Variants in CTNNA3 observed in about 807,000 individuals in gnomAD.
CTNNA3 encodes the protein catenin alpha-3.
Under a neutral mutation model 95.7 loss-of-function variants are expected in CTNNA3, and 76 were observed. The observed-to-expected ratio is 0.79, with a 90% confidence interval of 0.66 to 0.96. The LOEUF (loss-of-function observed/expected upper bound fraction) is 0.96. Ranked by LOEUF, CTNNA3 falls within the 40% of genes least tolerant of loss-of-function variation. The pLI is 0.00. For synonymous variants in CTNNA3, 431 were observed against 374.4 expected, an observed-to-expected ratio of 1.15 and a Z score of -1.74; for missense variants, 1,191 against 1,089.8, an observed-to-expected ratio of 1.09 and a Z score of -1.31.
chr10:67,027,487 T>C (rs781129026), intron 7 of CTNNA3, among the ~76,000 whole-genome samples: 1 of 147,340 alleles, frequency 6.8e-6, no homozygotes, highest in South Asian at 2.2e-4. Flanking sequence ...CAGGCTGGAG[T>C]GCAGTGGTGT....
At position 67,703,557 on chromosome 10, in the gene CTNNA3, T is replaced by C. The variant is rs552135112; in HGVS notation, c.-1-56043A>G. On this transcript the variant is annotated intron_variant, in intron 1 of 17. Coordinates refer to the CTNNA3 transcript ENST00000684154. ...TTATCTCAATAGATGCAGAAAAGGCTTTTGACAAAATTCAACAGCCCTTCA... is the reference window on the plus strand; with the variant it reads ...TTATCTCAATAGATGCAGAAAAGGCCTTTGACAAAATTCAACAGCCCTTCA... 8.5e-5 allele frequency among the ~76,000 whole-genome samples: 13 copies of C among 152,220 alleles called. No homozygotes were observed. The East Asian group carries it at 1.9e-3, about 23-fold the overall frequency.
chr10:67,634,521 C>A (rs1044930811), intron 2 of CTNNA3, among the ~76,000 whole-genome samples: 3 of 152,100 alleles, frequency 2.0e-5, no homozygotes, highest in African/African-American at 7.2e-5. Context: ...AATTAAAAGA[C>A]ACAGAATGAC....
At chr10:67,466,157 A>C (rs1847585084) in intron 5 of CTNNA3, among the ~76,000 whole-genome samples, 1 of 152,328 alleles carries the variant, frequency 6.6e-6, no homozygotes, top group Admixed American at 6.5e-5. Flanking sequence ...GCCAAAAAAA[A>C]ATTTTCTCTC....
chr10:67,382,893 A>G (rs1844001991), intron 5 of CTNNA3, among the ~76,000 whole-genome samples: 1 of 152,134 alleles, frequency 6.6e-6, no homozygotes, highest in African/African-American at 2.4e-5. Context: ...TCATACAGTA[A>G]GAATTCATTC....
At chr10:67,372,279 G>T (rs4746680) in intron 5 of CTNNA3, among the ~76,000 whole-genome samples, 120,584 of 151,834 alleles carry the variant, frequency 0.79, 50,304 homozygotes, top group Non-Finnish European at 0.92. Flanking sequence ...TGCTTTTGGT[G>T]TTTTAGACAT....
At chr10:67,627,903 G>T (rs1839010983) in intron 2 of CTNNA3, among the ~76,000 whole-genome samples, 1 of 151,690 alleles carries the variant, frequency 6.6e-6, no homozygotes, top group Non-Finnish European at 1.5e-5. Flanking sequence ...AGTATGTAAG[G>T]GAAGTAAAAT....
At chr10:67,219,480 A>G in intron 6 of CTNNA3, 127 bp downstream of exon 6, 1 of 1,030,456 alleles carries the variant, frequency 9.7e-7, no homozygotes, top group Non-Finnish European at 1.4e-6. Flanking sequence ...CAAGAAGGTG[A>G]TAGAGACTAA....
At chr10:66,415,756 A>T (rs1376665081) in intron 11 of CTNNA3, among the ~76,000 whole-genome samples, 1 of 152,168 alleles carries the variant, frequency 6.6e-6, no homozygotes, top group African/African-American at 2.4e-5. Context: ...AGCCAAAAAA[A>T]TCAAGGGAGA....
At chr10:67,472,110 A>C (rs1463517733) in intron 5 of CTNNA3, among the ~76,000 whole-genome samples, 1 of 152,196 alleles carries the variant, frequency 6.6e-6, no homozygotes, top group Non-Finnish European at 1.5e-5. Context: ...AATGTGGCAA[A>C]TGTGTAAGTT....
chr10:66,776,265 A>G lies in CTNNA3; in HGVS notation c.1048-741T>C, dbSNP rs1011159127. Among the ~76,000 whole-genome samples the G allele has an allele frequency of 2.6e-5, 4 of 152,216 alleles. 1 individual carries two copies. The highest frequency in any genetic ancestry group is 9.6e-5 in the African/African-American group (4 of 41,462). Reference sequence around the variant, plus strand: ...ACTTTTTGCAGTGATATCTCACATAAAAGAGATTGGAAAAATCATTATGTG... The same window carrying G: ...ACTTTTTGCAGTGATATCTCACATAGAAGAGATTGGAAAAATCATTATGTG... On this transcript the variant is annotated intron_variant, in intron 7 of 17. Coordinates refer to ENST00000433211, the MANE Select transcript of CTNNA3 (RefSeq NM_013266.4).
intron 9 of CTNNA3, among the ~76,000 whole-genome samples, chr10:66,762,399 A>G (rs1009776699): frequency 6.6e-6 from 1 of 152,022 alleles, no homozygotes; most frequent in Non-Finnish European, 1.5e-5. Context: ...AAAGTAGGAA[A>G]AGTTTGCATA....
chr10:66,110,510 A>G (rs1211829121), intron 13 of CTNNA3, among the ~76,000 whole-genome samples: 1 of 152,164 alleles, frequency 6.6e-6, no homozygotes, highest in Non-Finnish European at 1.5e-5. Flanking sequence ...CTCTCTATAT[A>G]TACACACACA....
At chr10:66,092,000 T>G (rs545541275) in intron 14 of CTNNA3, among the ~76,000 whole-genome samples, 2 of 151,934 alleles carry the variant, frequency 1.3e-5, no homozygotes, top group Non-Finnish European at 2.9e-5. Context: ...AATTAATTTC[T>G]GCTCTTTCAC....
intron 9 of CTNNA3, among the ~76,000 whole-genome samples, chr10:66,648,959 A>G (rs1231260355): frequency 6.6e-6 from 1 of 152,184 alleles, no homozygotes; most frequent in African/African-American, 2.4e-5. Context: ...GAGGGTGTGT[A>G]GAATTCTCTT....
intron 10 of CTNNA3, among the ~76,000 whole-genome samples, chr10:66,616,727 C>A (rs909546318): frequency 3.3e-5 from 5 of 152,002 alleles, no homozygotes; most frequent in Non-Finnish European, 7.4e-5. Flanking sequence ...CTCAGGGCCA[C>A]CCTATTAGCT....
At chr10:67,074,691 CCTT>C (rs1856658131) in intron 7 of CTNNA3, among the ~76,000 whole-genome samples, 2 of 152,102 alleles carry the variant, frequency 1.3e-5, no homozygotes, top group Admixed American at 6.6e-5. Flanking sequence ...GAGAAAATGT[CCTT>C]CTAAGAATAG....
At chr10:67,519,669 G>T (rs556369467) in intron 5 of CTNNA3, among the ~76,000 whole-genome samples, 76 of 152,186 alleles carry the variant, frequency 5.0e-4, no homozygotes, top group Non-Finnish European at 8.5e-4. Context: ...GACAGACGAG[G>T]CCCTGTCCTT....
At chr10:67,210,471 CT>C (rs1864094161) in intron 6 of CTNNA3, among the ~76,000 whole-genome samples, 1 of 152,088 alleles carries the variant, frequency 6.6e-6, no homozygotes, top group Admixed American at 6.5e-5. Context: ...TCTATTGCCT[CT>C]TTTTTGTACA....
At chr10:66,083,162 CT>C (rs1243079262) in intron 14 of CTNNA3, among the ~76,000 whole-genome samples, 3 of 152,082 alleles carry the variant, frequency 2.0e-5, no homozygotes, top group Admixed American at 6.6e-5. Context: ...TTATTAATAG[CT>C]TATAAACTGA....
Sources: allele counts gnomAD v4.1 joint callset (sites outside exome capture counted in the v4.1 genomes callset), GRCh38; gene constraint gnomAD v4.1.1; transcripts MANE v1.5; gene names NCBI Gene and HGNC (gene_info 2026-07-23, HGNC 2026-07-21).